PTCHD4: variants seen among roughly 807,000 people sequenced by gnomAD.
The protein encoded by PTCHD4 is patched domain containing 4.
In PTCHD4, 33 loss-of-function variants were observed where a neutral mutation model predicts 58.1. The ratio of observed to expected loss-of-function variants is 0.57; its 90% CI spans 0.43 to 0.76. The LOEUF is 0.76. Among genes scored for constraint, PTCHD4 ranks in the 30% least tolerant of loss-of-function variants. The pLI is 0.00. For missense variants in PTCHD4, 1,058 were observed against 1,027.1 expected (o/e 1.03, Z -0.41); for synonymous variants, 478 against 409.6 (o/e 1.17, Z -2.02).
At chr6:47,956,465 G>C (rs1328714066) in intron 4 of PTCHD4, among the ~76,000 whole-genome samples, 1 of 151,496 alleles carries the variant, frequency 6.6e-6, no homozygotes, top group African/African-American at 2.4e-5. Context: ...ACGGAGTCTA[G>C]CTATGTCATC....
intron 3 of PTCHD4, among the ~76,000 whole-genome samples, chr6:48,056,113 T>A (rs762266816): frequency 1.6e-4 from 25 of 152,222 alleles, no homozygotes; most frequent in Non-Finnish European, 1.3e-4. Flanking sequence ...ATTTACTTCA[T>A]TTCATCCGTC....
chr6:47,897,701 T>C (rs1162106776), intron 4 of PTCHD4, among the ~76,000 whole-genome samples: 1 of 152,188 alleles, frequency 6.6e-6, no homozygotes, highest in East Asian at 1.9e-4. Flanking sequence ...ACTGTGCTTT[T>C]ATTTATAAGG....
At chr6:47,998,799 GA>G (rs1224760054) in intron 4 of PTCHD4, among the ~76,000 whole-genome samples, 1 of 152,108 alleles carries the variant, frequency 6.6e-6, no homozygotes. Context: ...CACTTCATTA[GA>G]AAGGTCTGAC....
chr6:47,932,899 A>C (rs533808575), intron 4 of PTCHD4, among the ~76,000 whole-genome samples: 4 of 152,218 alleles, frequency 2.6e-5, no homozygotes, highest in Admixed American at 6.5e-5. Flanking sequence ...ATGAGGCTAA[A>C]TTAGTTGGTA....
chr6:48,076,848 G>A (rs1049333886), intron 1 of PTCHD4, among the ~76,000 whole-genome samples: 19 of 152,204 alleles, frequency 1.2e-4, no homozygotes, highest in African/African-American at 2.9e-4. Flanking sequence ...ACAGCTCTGC[G>A]TTAGCCTTAT....
intron 3 of PTCHD4, among the ~76,000 whole-genome samples, chr6:48,022,975 T>C (rs1048159510): frequency 6.6e-6 from 1 of 152,204 alleles, no homozygotes; most frequent in Non-Finnish European, 1.5e-5. Context: ...AAAGTTAGCT[T>C]GCATTCCACT....
At chr6:47,980,976 G>T (rs1052292554) in intron 4 of PTCHD4, among the ~76,000 whole-genome samples, 1 of 151,822 alleles carries the variant, frequency 6.6e-6, no homozygotes, top group African/African-American at 2.4e-5. Context: ...TTTTTATTTT[G>T]ATTCTTCTTT....
intron 4 of PTCHD4, among the ~76,000 whole-genome samples, chr6:47,903,489 A>AT (rs1764777494): frequency 6.6e-6 from 1 of 151,922 alleles, no homozygotes; most frequent in African/African-American, 2.4e-5. Flanking sequence ...ACTTTTTTGT[A>AT]TTTTTTGTAG....
intron 3 of PTCHD4, among the ~76,000 whole-genome samples, chr6:48,012,516 C>A (rs1762716087): frequency 6.6e-6 from 1 of 152,190 alleles, no homozygotes; most frequent in Non-Finnish European, 1.5e-5. Flanking sequence ...ATGCCATCTG[C>A]AAACAGAAAC....
Position 48,083,918 on chromosome 6 carries a change from A to G in PTCHD4, c.-969-13992T>C, listed in dbSNP as rs115625392. On this transcript the variant is annotated intron_variant, in intron 1 of 4. Coordinates refer to ENST00000339488, the MANE Select transcript of PTCHD4 (RefSeq NM_001384253.1). ...AATACCTTGATTTTCGTCTCAAGAG[A>G]TTTCTAAGCAGAGGACTCAGTTAAG... Among the ~76,000 whole-genome samples, 1,346 of 152,252 alleles carry G rather than the reference A, an allele frequency of 8.8e-3. 31 individuals are homozygous for G. Among genetic ancestry groups the G allele is most frequent in the African/African-American group, 0.031 (1,274 of 41,516 alleles).
intron 4 of PTCHD4, among the ~76,000 whole-genome samples, chr6:47,925,936 C>T (rs540920691): frequency 1.3e-5 from 2 of 152,232 alleles, no homozygotes; most frequent in East Asian, 3.9e-4. Flanking sequence ...ATTTGTTGTG[C>T]AGAGGCTGAG....
chr6:47,930,619 C>CA (rs1268648705), intron 4 of PTCHD4, among the ~76,000 whole-genome samples: 3 of 152,104 alleles, frequency 2.0e-5, no homozygotes, highest in Non-Finnish European at 4.4e-5. Context: ...AGAAGGTACA[C>CA]AGAGTTCTAT....
At chr6:48,089,263 T>C (rs1765319668) in intron 1 of PTCHD4, among the ~76,000 whole-genome samples, 1 of 152,212 alleles carries the variant, frequency 6.6e-6, no homozygotes, top group African/African-American at 2.4e-5. Context: ...AGGAATAATC[T>C]AAGTATTCTT....
At chr6:48,026,637 A>G (rs561967614) in intron 3 of PTCHD4, among the ~76,000 whole-genome samples, 2 of 152,124 alleles carry the variant, frequency 1.3e-5, no homozygotes, top group Admixed American at 6.6e-5. Flanking sequence ...TAGGTCCCCT[A>G]TGCTCCACTG....
intron 4 of PTCHD4, among the ~76,000 whole-genome samples, chr6:47,915,122 T>A (rs1765203829): frequency 6.6e-6 from 1 of 152,128 alleles, no homozygotes; most frequent in Non-Finnish European, 1.5e-5. Context: ...TAATTAATTG[T>A]CACAGGCTTT....
At chr6:47,926,633 T>C (rs1281037272) in intron 4 of PTCHD4, among the ~76,000 whole-genome samples, 2 of 152,232 alleles carry the variant, frequency 1.3e-5, no homozygotes, top group Non-Finnish European at 2.9e-5. Context: ...ATTTTGATTC[T>C]ATTATTTTAT....
At chr6:47,885,442 G>A (rs939373438) in intron 4 of PTCHD4, among the ~76,000 whole-genome samples, 8 of 152,114 alleles carry the variant, frequency 5.3e-5, no homozygotes, top group African/African-American at 9.7e-5. Flanking sequence ...ATTTGCAATT[G>A]AGCCACATGA....
chr6:48,035,100 T>C (rs772758317), intron 3 of PTCHD4, among the ~76,000 whole-genome samples: 2 of 152,136 alleles, frequency 1.3e-5, no homozygotes, highest in Non-Finnish European at 2.9e-5. Flanking sequence ...TGAAATTATA[T>C]TTTCCCCTTT....
At chr6:47,927,354 C>CTA (rs1765658699) in intron 4 of PTCHD4, among the ~76,000 whole-genome samples, 1 of 152,158 alleles carries the variant, frequency 6.6e-6, no homozygotes, top group Admixed American at 6.6e-5. Context: ...CCTCCGTAGC[C>CTA]TATCTGCAAG....
Sources: allele counts gnomAD v4.1 joint callset (sites outside exome capture counted in the v4.1 genomes callset), GRCh38; gene constraint gnomAD v4.1.1; transcripts MANE v1.5; gene names NCBI Gene and HGNC (gene_info 2026-07-23, HGNC 2026-07-21).